OR6N1: variants seen among roughly 807,000 people sequenced by gnomAD.
OR6N1 encodes olfactory receptor 6N1.
For missense variants in OR6N1, 394 were observed against 371.7 expected (o/e 1.06, Z -0.49); for synonymous variants, 170 against 150.7 (o/e 1.13, Z -0.94).
the OR6N1 span, among the ~76,000 whole-genome samples, chr1:158,834,668 C>A: frequency 6.6e-6 from 1 of 152,006 alleles, no homozygotes; most frequent in African/African-American, 2.4e-5. Flanking sequence ...TTGCCTGTGC[C>A]ATCGGTGTCA....
chr1:158,766,508 TG>T lies in OR6N1; in HGVS notation c.174del (p.Met59CysfsTer57), dbSNP rs764871243. 1.2e-6 allele frequency: 2 copies of T among 1,614,012 alleles called. No homozygotes were observed. The highest frequency in any genetic ancestry group is 1.7e-6 in the Non-Finnish European group (2 of 1,180,002). ...GAGAGAATGCTGACAAAGTGGTACA[TG>T]GGTGTGTGAAGCCGGGAGTCCAGGC... Reference protein sequence around the residue: ...VVCLDSRLHTPMYHFVSILSF... With the variant: ...VVCLDSRLHTXMYHFVSILSF... On this transcript the variant is annotated frameshift_variant, in exon 2 of 2. Transcript: ENST00000641846. LOFTEE classifies it low-confidence loss of function (END_TRUNC).
At chr1:158,834,359 TG>T in the OR6N1 span, among the ~76,000 whole-genome samples, 5 of 151,192 alleles carry the variant, frequency 3.3e-5, no homozygotes, top group Admixed American at 3.3e-4. Context: ...CAGCCTCCCA[TG>T]TAGCTGGGAC....
the OR6N1 span, among the ~76,000 whole-genome samples, chr1:158,796,434 CTG>C: frequency 6.6e-6 from 1 of 152,118 alleles, no homozygotes; most frequent in Non-Finnish European, 1.5e-5. Context: ...TCTTCTCTGA[CTG>C]TGTATTTTCC....
intron 1 of OR6N1, among the ~76,000 whole-genome samples, chr1:158,767,126 T>C (rs1397458655): frequency 3.3e-5 from 5 of 152,210 alleles, no homozygotes; most frequent in Non-Finnish European, 7.3e-5. Flanking sequence ...ATAATTTGAA[T>C]ATTATTTTCT....
the OR6N1 span, among the ~76,000 whole-genome samples, chr1:158,795,554 T>G: frequency 6.6e-6 from 1 of 152,142 alleles, no homozygotes; most frequent in East Asian, 1.9e-4. Flanking sequence ...CCTTGTGAGG[T>G]AGGATCAGGA....
At chr1:158,796,818 T>A in the OR6N1 span, among the ~76,000 whole-genome samples, 1 of 152,198 alleles carries the variant, frequency 6.6e-6, no homozygotes, top group Non-Finnish European at 1.5e-5. Flanking sequence ...CCAGTCTCCT[T>A]TATCTGATAT....
chr1:158,766,025 G>C lies in OR6N1; in HGVS notation c.658C>G (p.Gln220Glu), dbSNP rs751230252. The C allele has an allele frequency of 6.2e-7, 1 of 1,614,196 alleles. No homozygotes were observed. The highest frequency in any genetic ancestry group is 1.3e-5 in the African/African-American group (1 of 75,056). The change falls in exon 2 of 2, where the codon CAG becomes GAG. Residue 220 changes from glutamine to glutamate, a missense_variant. Physicochemically the swap from Gln to Glu is conservative, Grantham distance 29 (BLOSUM62 2). Transcript: ENST00000641846. The stretch of plus-strand genomic sequence containing the variant: ...ATTCTGAGCACTGTGCAGATGATCT[G>C]CACATAGGAGCAGAGGATCAGCAGG... ...TFLLILCSYV[Q>E]IICTVLRIPS...
At chr1:158,808,059 G>A in the OR6N1 span, among the ~76,000 whole-genome samples, 1 of 150,278 alleles carries the variant, frequency 6.7e-6, no homozygotes, top group South Asian at 2.1e-4. Flanking sequence ...CAACAAGCTG[G>A]GCTATGACAA....
At chr1:158,804,098 A>C in the OR6N1 span, among the ~76,000 whole-genome samples, 2 of 152,216 alleles carry the variant, frequency 1.3e-5, no homozygotes. Flanking sequence ...TTTTATAGGC[A>C]GAGAGCAATT....
chr1:158,774,512 C>T (rs760740573), upstream of OR6N1: 17 of 152,094 alleles, frequency 1.1e-4, no homozygotes, highest in East Asian at 1.9e-4. Flanking sequence ...TGTACCACAG[C>T]GGAGGGACCC....
the OR6N1 span, among the ~76,000 whole-genome samples, chr1:158,815,639 T>G: frequency 6.6e-6 from 1 of 152,182 alleles, no homozygotes; most frequent in African/African-American, 2.4e-5. Flanking sequence ...TATGTAAAAC[T>G]AGGCATGAAT....
At chr1:158,795,178 G>A in the OR6N1 span, among the ~76,000 whole-genome samples, 1 of 152,156 alleles carries the variant, frequency 6.6e-6, no homozygotes, top group African/African-American at 2.4e-5. Context: ...AGGCAGGGGG[G>A]TGTAGTAAGT....
the OR6N1 span, among the ~76,000 whole-genome samples, chr1:158,807,256 G>T: frequency 6.6e-6 from 1 of 152,138 alleles, no homozygotes; most frequent in Non-Finnish European, 1.5e-5. Flanking sequence ...ATATTATAAA[G>T]ATTAAATTTT....
the OR6N1 span, among the ~76,000 whole-genome samples, chr1:158,806,295 C>G: frequency 0.086 from 13,018 of 152,050 alleles, 583 homozygotes; most frequent in East Asian, 0.11. Flanking sequence ...AAATTTGGAC[C>G]CTTAGGTCAA....
chr1:158,777,178 A>T (rs1300987360), upstream of OR6N1: 17 of 1,614,120 alleles, frequency 1.1e-5, no homozygotes, highest in Non-Finnish European at 1.4e-5. Context: ...GGGACACAGG[A>T]AGCCACAAGT....
At chr1:158,774,192 A>T (rs1657519715), upstream of OR6N1, 1 of 152,246 alleles carries the variant, frequency 6.6e-6, no homozygotes. Context: ...CACTGTTTAC[A>T]GAAAATGACT....
At chr1:158,780,153 G>A in the OR6N1 span, among the ~76,000 whole-genome samples, 1 of 152,124 alleles carries the variant, frequency 6.6e-6, no homozygotes. Context: ...CCCTAATCCT[G>A]TTGAAAGACC....
the OR6N1 span, among the ~76,000 whole-genome samples, chr1:158,810,660 A>G: frequency 2.6e-5 from 4 of 152,192 alleles, no homozygotes; most frequent in Admixed American, 2.0e-4. Flanking sequence ...AAGAGAACAA[A>G]TCCAACTCGT....
At chr1:158,827,496 G>A in the OR6N1 span, among the ~76,000 whole-genome samples, 1 of 152,168 alleles carries the variant, frequency 6.6e-6, no homozygotes, top group African/African-American at 2.4e-5. Flanking sequence ...ACTTGAGATG[G>A]AAGGGAGCAT....
Sources: gnomAD v4.1 joint callset for allele counts (sites outside exome capture counted in the v4.1 genomes callset) on GRCh38, gnomAD v4.1.1 for gene constraint, MANE v1.5 for transcripts, NCBI Gene and HGNC (gene_info 2026-07-23, HGNC 2026-07-21) for gene names.